Variants in RELN observed in about 807,000 individuals in gnomAD.
RELN encodes the protein reelin.
Under a neutral mutation model 427.6 loss-of-function variants are expected in RELN, and 108 were observed. The ratio of observed to expected loss-of-function variants is 0.25; its 90% CI spans 0.22 to 0.30. RELN has a LOEUF of 0.30. Among genes scored for constraint, RELN ranks in the 10% least tolerant of loss-of-function variants. The pLI, the probability that RELN is intolerant of heterozygous loss-of-function variation, is 1.00. For missense variants in RELN, 3,715 were observed against 4,302.8 expected (o/e 0.86, Z 3.82); for synonymous variants, 1,524 against 1,513.4 (o/e 1.01, Z -0.16).
chr7:103,956,014 T>C (rs1036064391), intron 1 of RELN, among the ~76,000 whole-genome samples: 2 of 152,192 alleles, frequency 1.3e-5, no homozygotes, highest in African/African-American at 4.8e-5. Flanking sequence ...CATCTAAAGA[T>C]TTCCTGTAAT....
At position 103,490,785 on chromosome 7, in the gene RELN, G is replaced by C. The variant is rs754901701; in HGVS notation, c.9488C>G (p.Ser3163Cys). The C allele has an allele frequency of 6.2e-7, 1 of 1,614,232 alleles. No homozygotes were observed. The highest frequency in any genetic ancestry group is 2.2e-5 in the East Asian group (1 of 44,882). ...AGGGGAGCAGCCAATGCTGTTAGAA[G>C]AGGAAGGAAGGCACTGGGTCTGTAC... The part of the protein sequence containing the change: ...QLVQTQCLPS[S>C]SNSIGCSPFQ... The change falls in exon 59 of 65, where the codon TCT becomes TGT. Residue 3163 changes from serine (S) to cysteine (C), a missense_variant. By Grantham distance (112) the Ser-to-Cys change is moderately radical (BLOSUM62 -1). This residue lies in a region of RELN where 1,310 missense variants were observed against 1,643.0 expected (regional missense o/e 0.80). Transcript: ENST00000428762.
rs557560261 is a variant in RELN at position 103,746,113 on chromosome 7, C to T, written c.656+3313G>A. 7.0e-3 allele frequency among the ~76,000 whole-genome samples: 1,061 copies of T among 152,168 alleles called. 16 individuals are homozygous for T. The highest frequency in any genetic ancestry group is 0.024 in the African/African-American group (1,013 of 41,460). On this transcript the variant is annotated intron_variant, in intron 6 of 64. Coordinates refer to ENST00000428762, the MANE Select transcript of RELN (RefSeq NM_005045.4). ...AACAGAGCCCTCAGAAATAATGCTG[C>T]ATATCTACAACTATCTGATCTTTGA...
rs76969663 is a variant in RELN, at chr7:103,626,489, T to A, written c.2702+3451A>T. 0.033 allele frequency among the ~76,000 whole-genome samples: 5,026 copies of A among 152,172 alleles called. 159 individuals are homozygous for A. Among genetic ancestry groups the A allele is most frequent in the East Asian group, 0.14 (745 of 5,174 alleles). On this transcript the variant is annotated intron_variant, in intron 20 of 64. Transcript: ENST00000428762. This position sits in a 1 kb window ranked among gnomAD's most constrained non-coding sequence, Gnocchi z 4.4. ...CCTCAACCTCCCAAATAGCTGGGAT[T>A]ACAGGCATGTGTCACCACGCTCGGC...
intron 16 of RELN, among the ~76,000 whole-genome samples, chr7:103,646,855 A>C (rs113257549): frequency 5.9e-5 from 9 of 152,240 alleles, no homozygotes; most frequent in African/African-American, 2.2e-4. Context: ...ATGAACATAG[A>C]TGCAAAAATC....
chr7:103,727,236 C>A (rs1023773877), intron 7 of RELN, among the ~76,000 whole-genome samples: 13 of 151,972 alleles, frequency 8.6e-5, no homozygotes, highest in African/African-American at 2.7e-4. Context: ...AAAAATACAA[C>A]CTATTACTAG....
chr7:103,760,823 T>C (rs926314260), intron 4 of RELN, among the ~76,000 whole-genome samples: 9 of 152,200 alleles, frequency 5.9e-5, no homozygotes, highest in African/African-American at 2.2e-4. Flanking sequence ...AAGCTAAATA[T>C]GACAAATTAG....
chr7:103,919,759 C>T lies in RELN; in HGVS notation c.227-2574G>A, dbSNP rs1310843720. 5.9e-5 allele frequency among the ~76,000 whole-genome samples: 9 copies of T among 152,178 alleles called. 1 individual carries two copies. The highest frequency in any genetic ancestry group is 1.3e-4 in the Non-Finnish European group (9 of 68,028). ...TCTAGTCTTAACTCATCGCTTACATCCACAACCTGGTGCCATCCAGGCAAT... is the reference window on the plus strand; with the variant it reads ...TCTAGTCTTAACTCATCGCTTACATTCACAACCTGGTGCCATCCAGGCAAT... On this transcript the variant is annotated intron_variant, in intron 1 of 64. Transcript: ENST00000428762.
rs551958149 is a variant in RELN, at chr7:103,620,312, A to G, written c.2703-8509T>C. Among the ~76,000 whole-genome samples the G allele has an allele frequency of 3.9e-5, 6 of 152,256 alleles. No homozygotes were observed. In the South Asian group the frequency reaches 1.0e-3, roughly 26 times the overall value. On this transcript the variant is annotated intron_variant, in intron 20 of 64. Coordinates refer to ENST00000428762, the MANE Select transcript of RELN (RefSeq NM_005045.4). The surrounding 1 kb of genome is among the most constrained non-coding windows in gnomAD (Gnocchi z 4.1). ...ATCTCTTTTTCTTTATAAATTGTCC[A>G]GTCTCAGGTATGTCTTCATCAGCAG...
chr7:103,489,569 T>G (rs1828578468), intron 60 of RELN, among the ~76,000 whole-genome samples, 173 bp downstream of exon 60: 1 of 152,194 alleles, frequency 6.6e-6, no homozygotes, highest in South Asian at 2.1e-4. Context: ...ATTGCATAAA[T>G]CTATGCTTAA....
At chr7:103,930,094 T>C (rs993378947) in intron 1 of RELN, among the ~76,000 whole-genome samples, 5 of 152,026 alleles carry the variant, frequency 3.3e-5, no homozygotes, top group African/African-American at 1.2e-4. Flanking sequence ...ACAGATGGGG[T>C]GGTATAAACA....
intron 30 of RELN, 42 bp downstream of exon 30, chr7:103,574,050 A>G: frequency 6.9e-7 from 1 of 1,453,082 alleles, no homozygotes; most frequent in Non-Finnish European, 9.7e-7. Flanking sequence ...CGTGTGGTAA[A>G]TAATATGTTT....
chr7:103,603,564 T>A lies in RELN; in HGVS notation c.3147-74A>T. 8.9e-7 allele frequency: 1 copy of A among 1,118,030 alleles called. No homozygotes were observed. The highest frequency in any genetic ancestry group is 1.5e-5 in the African/African-American group (1 of 65,336). The allele number at this position is 1,118,030 out of a possible 1,614,324, so 69.3% of individuals were successfully genotyped here. A position where few individuals can be genotyped will look rare whatever the true frequency, so the allele number is the denominator to read the frequency against. On this transcript the variant is annotated intron_variant, in intron 23 of 64. Transcript: ENST00000428762. This position sits in a 1 kb window ranked among gnomAD's most constrained non-coding sequence, Gnocchi z 4.3. ...TGCAATGGCCCTCTGACCTCAACCA[T>A]TTCCCATGTCTTACTTTTGCTCAGG...
At chr7:103,765,311 T>C (rs1402798330) in intron 4 of RELN, among the ~76,000 whole-genome samples, 1 of 152,186 alleles carries the variant, frequency 6.6e-6, no homozygotes, top group South Asian at 2.1e-4. Flanking sequence ...TCTGCAAATG[T>C]GTCTTGGTCC....
At chr7:103,944,575 G>A (rs1268559090) in intron 1 of RELN, among the ~76,000 whole-genome samples, 2 of 152,176 alleles carry the variant, frequency 1.3e-5, no homozygotes, top group Non-Finnish European at 2.9e-5. Context: ...AAAAGGAGAG[G>A]ATGCCCATCT....
chr7:103,717,366 A>G (rs1376876791), intron 8 of RELN, among the ~76,000 whole-genome samples: 1 of 150,590 alleles, frequency 6.6e-6, no homozygotes, highest in Admixed American at 6.6e-5. Flanking sequence ...AAAAATAAAC[A>G]TTCCCTAAAA....
chr7:103,862,678 A>G (rs529426409), intron 2 of RELN, among the ~76,000 whole-genome samples: 3 of 152,134 alleles, frequency 2.0e-5, no homozygotes, highest in Non-Finnish European at 4.4e-5. Context: ...AAATAAAAAA[A>G]TTTAATTTCA....
At chr7:103,643,655 A>G (rs1181240613) in intron 16 of RELN, among the ~76,000 whole-genome samples, 2 of 152,042 alleles carry the variant, frequency 1.3e-5, no homozygotes, top group Non-Finnish European at 2.9e-5. Flanking sequence ...AAAAATGTCT[A>G]ATTATCTGTA....
At chr7:103,716,902 G>T (rs371817022) in intron 8 of RELN, among the ~76,000 whole-genome samples, 1 of 152,136 alleles carries the variant, frequency 6.6e-6, no homozygotes, top group African/African-American at 2.4e-5. Context: ...GTGTTTGAGA[G>T]ACCATTTGGT....
Position 103,652,847 on chromosome 7 carries a change from T to C in RELN, c.1555-88A>G, listed in dbSNP as rs1290109687. 17 of 1,108,984 alleles carry C rather than the reference T, an allele frequency of 1.5e-5. No homozygotes were observed. The Admixed American group carries it at 3.0e-4, about 20-fold the overall frequency. The allele number at this position is 1,108,984 out of a possible 1,614,324, so 68.7% of individuals were successfully genotyped here. On this transcript the variant is annotated intron_variant, in intron 13 of 64. Transcript: ENST00000428762. ...CCTAGATTTGACCTAATGAACGCTA[T>C]GTACATAACTGCCATTTATTAAGCA... is the stretch of plus-strand genomic sequence containing the variant.
Sources: gnomAD v4.1 joint callset for allele counts (sites outside exome capture counted in the v4.1 genomes callset) on GRCh38, gnomAD v4.1.1 for gene constraint, gnomAD v4.1.1 regional missense constraint, Gnocchi (gnomAD v3.1) non-coding constraint, MANE v1.5 for transcripts, NCBI Gene and HGNC (gene_info 2026-07-23, HGNC 2026-07-21) for gene names.